RBL2: variants seen among roughly 807,000 people sequenced by gnomAD.
RBL2 encodes the protein RB transcriptional corepressor like 2.
A neutral mutation model predicts 126.0 loss-of-function variants in RBL2; 56 were observed. The ratio of observed to expected loss-of-function variants is 0.44; its 90% CI spans 0.36 to 0.56. The LOEUF (loss-of-function observed/expected upper bound fraction) is 0.56, where lower values mean the gene tolerates loss of function less well. RBL2 is among the 20% of genes least tolerant of loss of function. The pLI is 0.00. For missense variants in RBL2, 1,229 were observed against 1,398.2 expected, an observed-to-expected ratio of 0.88 and a Z score of 1.93; for synonymous variants, 454 against 478.5, an observed-to-expected ratio of 0.95 and a Z score of 0.67.
chr16:53,461,895 C>T, intron 10 of RBL2, 45 bp downstream of exon 10: 1 of 1,471,776 alleles, frequency 6.8e-7, no homozygotes, highest in Non-Finnish European at 9.5e-7. Context: ...TGAAGTTTAA[C>T]TAAATGGAGT....
intron 14 of RBL2, among the ~76,000 whole-genome samples, chr16:53,468,851 G>T (rs2058294148): frequency 6.6e-6 from 1 of 152,192 alleles, no homozygotes; most frequent in Non-Finnish European, 1.5e-5. Flanking sequence ...AGACATTGGT[G>T]TGAATACTTA....
chr16:53,435,078 G>A (rs918506168), intron 1 of RBL2, among the ~76,000 whole-genome samples: 1 of 152,184 alleles, frequency 6.6e-6, no homozygotes, highest in African/African-American at 2.4e-5. Flanking sequence ...AAATGGGTGT[G>A]TGTGGCCCAT....
chr16:53,479,557 A>G, intron 18 of RBL2: 1 of 457,834 alleles, frequency 2.2e-6, no homozygotes, highest in Non-Finnish European at 3.9e-6. Flanking sequence ...TCACATGGAA[A>G]TTTAAAACCC....
intron 21 of RBL2, among the ~76,000 whole-genome samples, chr16:53,485,004 TAAAAA>T (rs11295682): frequency 1.4e-5 from 2 of 145,440 alleles, no homozygotes; most frequent in South Asian, 2.2e-4. Context: ...TAACCCTAAA[TAAAAA>T]AAAAAAACTG....
At position 53,443,854 on chromosome 16, in the gene RBL2, A is replaced by T. The variant is rs945427254; in HGVS notation, c.572+996A>T. On this transcript the variant is annotated intron_variant, in intron 3 of 21. Transcript: ENST00000262133. Reference sequence around the variant, plus strand: ...GACAAACCAGGAGGAAAAAAAATTTAAAAAAACTAGAACTATTTACATTTT... The same window carrying T: ...GACAAACCAGGAGGAAAAAAAATTTTAAAAAACTAGAACTATTTACATTTT... 3.2e-4 allele frequency among the ~76,000 whole-genome samples: 48 copies of T among 152,234 alleles called. 1 individual carries two copies. Among genetic ancestry groups the T allele is most frequent in the Admixed American group, 2.8e-3 (43 of 15,280 alleles).
chr16:53,464,433 G>T, intron 12 of RBL2, 70 bp downstream of exon 12: 3 of 1,297,134 alleles, frequency 2.3e-6, no homozygotes, highest in Non-Finnish European at 2.1e-6. Context: ...TAGTCATTTA[G>T]TTCAAGTTAA....
At chr16:53,478,269 T>C (rs1276027549) in intron 17 of RBL2, among the ~76,000 whole-genome samples, 1 of 152,202 alleles carries the variant, frequency 6.6e-6, no homozygotes, top group Admixed American at 6.5e-5. Context: ...TTTTCTTTCT[T>C]TGGCTTTGAA....
Position 53,480,682 on chromosome 16 carries a change from AGAG to A in RBL2, c.3001_3003del (p.Glu1001del), listed in dbSNP as rs1280705615. 2.5e-6 allele frequency: 4 copies of A among 1,613,814 alleles called. No homozygotes were observed. Among genetic ancestry groups the A allele is most frequent in the Non-Finnish European group, 2.5e-6 (3 of 1,180,006 alleles). ...CAGGTGCCAACAGTGACATGGAAGA[AGAG>A]GAGAGGGGAGACCTCATTCAGTTCT... is the stretch of plus-strand genomic sequence containing the variant. On this transcript the variant is annotated inframe_deletion, in exon 20 of 22. Transcript: ENST00000262133.
At chr16:53,485,099 C>G (rs927914771) in intron 21 of RBL2, among the ~76,000 whole-genome samples, 5 of 151,912 alleles carry the variant, frequency 3.3e-5, no homozygotes, top group African/African-American at 1.2e-4. Flanking sequence ...ACATTATCAA[C>G]TGATTGACAT....
rs377022307 is a variant in RBL2 at position 53,445,606 on chromosome 16, T to C, written c.573-1436T>C. On this transcript the variant is annotated intron_variant, in intron 3 of 21. Coordinates refer to ENST00000262133, the MANE Select transcript of RBL2 (RefSeq NM_005611.4). The stretch of plus-strand genomic sequence containing the variant: ...CGCACAACCAAGCGTGGAGTTCTTA[T>C]TGAAACTGACTGCGGGAACCCATGT... Among the ~76,000 whole-genome samples, 679 of 152,354 alleles carry C rather than the reference T, an allele frequency of 4.5e-3. 24 individuals are homozygous for C. In the South Asian group the frequency reaches 0.083, roughly 19 times the overall value.
chr16:53,467,932 T>G (rs912372562), intron 14 of RBL2, among the ~76,000 whole-genome samples: 5 of 152,180 alleles, frequency 3.3e-5, no homozygotes, highest in African/African-American at 7.2e-5. Context: ...TTAAGACAAC[T>G]GAGTATGTTC....
At chr16:53,448,561 G>A (rs1483320091) in intron 4 of RBL2, among the ~76,000 whole-genome samples, 1 of 152,160 alleles carries the variant, frequency 6.6e-6, no homozygotes, top group East Asian at 1.9e-4. Context: ...TCTGCTCACT[G>A]CAACCTCCGC....
At position 53,464,249 on chromosome 16, in the gene RBL2, C is replaced by T. The variant is rs763714959; in HGVS notation, c.1584C>T (p.Phe528=). The change falls in exon 12 of 22, where the codon TTC becomes TTT. Residue 528 remains phenylalanine, a synonymous_variant. Transcript: ENST00000262133. ...DLSGILEQDA[F]HRSLLACCLE... ...AGGGTATTCTGGAACAAGATGCGTTCCACAGATCTCTCTTGGCCTGCTGCC... is the reference window on the plus strand; with the variant it reads ...AGGGTATTCTGGAACAAGATGCGTTTCACAGATCTCTCTTGGCCTGCTGCC... The T allele has an allele frequency of 5.0e-6, 8 of 1,590,726 alleles. No individual in the cohort carries two copies. The highest frequency in any genetic ancestry group is 6.8e-6 in the Non-Finnish European group (8 of 1,168,128).
intron 1 of RBL2, among the ~76,000 whole-genome samples, chr16:53,437,217 T>C (rs1653919832): frequency 6.6e-6 from 1 of 152,102 alleles, no homozygotes; most frequent in South Asian, 2.1e-4. Context: ...AGAAATGCAG[T>C]AGTTATGCAT....
chr16:53,487,977 C>A (rs759763390), intron 21 of RBL2: 1 of 152,188 alleles, frequency 6.6e-6, no homozygotes, highest in Non-Finnish European at 1.5e-5. Flanking sequence ...CTGGTGTGAA[C>A]GCAAAATGGC....
chr16:53,459,549 G>T lies in RBL2; in HGVS notation c.1278G>T (p.Leu426Phe), dbSNP rs200388485. 1 of 1,609,706 alleles carries T rather than the reference G, an allele frequency of 6.2e-7. No homozygotes were observed. Among genetic ancestry groups the T allele is most frequent in the Non-Finnish European group, 8.5e-7 (1 of 1,178,770 alleles). ...VTPVSTATHSLSRLHTMLTGL... is the reference protein window; with the variant it reads ...VTPVSTATHSFSRLHTMLTGL... ...CAGTTTCTACAGCTACGCATAGCTT[G>T]AGTCGTCTTCACACCATGCTGACAG... Residue 426 changes from leucine (L) to phenylalanine (F), a missense_variant, in exon 9 of 22, where the codon TTG becomes TTT. Coordinates refer to ENST00000262133, the MANE Select transcript of RBL2 (RefSeq NM_005611.4).
intron 1 of RBL2, among the ~76,000 whole-genome samples, chr16:53,437,529 A>G (rs779107063): frequency 4.6e-5 from 7 of 152,178 alleles, no homozygotes; most frequent in African/African-American, 9.6e-5. Context: ...AAGAATTGTG[A>G]CGATCTTTTA....
intron 17 of RBL2, among the ~76,000 whole-genome samples, chr16:53,478,545 C>CTTTTT (rs71143989): frequency 1.2e-4 from 15 of 128,778 alleles, no homozygotes; most frequent in South Asian, 1.0e-3. Flanking sequence ...TTTGCTAATC[C>CTTTTT]TTTTTTTTTT....
At chr16:53,456,241 C>T (rs548704536) in intron 8 of RBL2, among the ~76,000 whole-genome samples, 6 of 151,934 alleles carry the variant, frequency 3.9e-5, no homozygotes, top group South Asian at 4.1e-4. Context: ...CCAGACAGAC[C>T]GTGTAGGCTT....
Sources: allele counts gnomAD v4.1 joint callset (sites outside exome capture counted in the v4.1 genomes callset), GRCh38; gene constraint gnomAD v4.1.1; transcripts MANE v1.5; gene names NCBI Gene and HGNC (gene_info 2026-07-23, HGNC 2026-07-21).